The following CERS4 variants were observed in gnomAD, a reference collection of about 807,000 sequenced individuals.
CERS4 encodes the protein ceramide synthase 4.
A neutral mutation model predicts 51.8 loss-of-function variants in CERS4; 65 were observed. The observed-to-expected ratio is 1.26, with a 90% CI of 1.03 to 1.54. The LOEUF (loss-of-function observed/expected upper bound fraction) is 1.54. Among genes scored for constraint, CERS4 ranks in the 40% most tolerant of loss-of-function variants. CERS4 has a pLI of 0.00. For synonymous variants in CERS4, 228 were observed against 208.4 expected, an observed-to-expected ratio of 1.09 and a Z score of -0.81; for missense variants, 563 against 500.4, an observed-to-expected ratio of 1.13 and a Z score of -1.19.
intron 2 of CERS4, among the ~76,000 whole-genome samples, chr19:8,228,019 G>A (rs961074963): frequency 2.0e-5 from 3 of 151,868 alleles, no homozygotes; most frequent in Non-Finnish European, 2.9e-5. Context: ...CCGCCACCAC[G>A]CCCAGACAAT....
At chr19:8,254,881 C>A (rs577626587) in intron 4 of CERS4, among the ~76,000 whole-genome samples, 1 of 151,814 alleles carries the variant, frequency 6.6e-6, no homozygotes, top group Non-Finnish European at 1.5e-5. Context: ...GAGGACCCCC[C>A]CCTTCCCAGC....
At chr19:8,229,348 C>T (rs1282356216) in intron 2 of CERS4, among the ~76,000 whole-genome samples, 2 of 152,138 alleles carry the variant, frequency 1.3e-5, no homozygotes, top group Non-Finnish European at 1.5e-5. Context: ...TAACAACTCA[C>T]ATGCATGTGG....
intron 2 of CERS4, among the ~76,000 whole-genome samples, chr19:8,243,933 C>T (rs1968647815): frequency 6.6e-6 from 1 of 152,222 alleles, no homozygotes; most frequent in African/African-American, 2.4e-5. Flanking sequence ...TCCAGTTCTT[C>T]AGACTGGAAG....
chr19:8,220,548 G>T (rs1366645985), intron 2 of CERS4, among the ~76,000 whole-genome samples: 1 of 152,134 alleles, frequency 6.6e-6, no homozygotes, highest in East Asian at 1.9e-4. Flanking sequence ...CAGGTGATCT[G>T]CCCGCCTCGG....
intron 2 of CERS4, among the ~76,000 whole-genome samples, chr19:8,236,075 A>G (rs570406146): frequency 3.9e-4 from 60 of 152,218 alleles, no homozygotes; most frequent in Middle Eastern, 3.4e-3. Flanking sequence ...GGGCACCTGT[A>G]GTCCCAGCTA....
At chr19:8,250,961 C>G in intron 2 of CERS4, 115 bp from the exon 3 acceptor site, 1 of 1,478,568 alleles carries the variant, frequency 6.8e-7, no homozygotes, top group African/African-American at 1.4e-5. Context: ...TCCTGGTTGT[C>G]AACTGCGCTG....
At chr19:8,226,061 G>A (rs1047466212) in intron 2 of CERS4, among the ~76,000 whole-genome samples, 2 of 152,068 alleles carry the variant, frequency 1.3e-5, no homozygotes, top group Admixed American at 1.3e-4. Flanking sequence ...GCCAGGTGTG[G>A]TGGCGCATGC....
At chr19:8,232,723 CTTTT>C (rs71165298) in intron 2 of CERS4, among the ~76,000 whole-genome samples, 4 of 138,572 alleles carry the variant, frequency 2.9e-5, no homozygotes, top group Non-Finnish European at 4.7e-5. Flanking sequence ...TTATTTAAAC[CTTTT>C]TTTTTTTTTT....
chr19:8,258,735 G>A (rs966765510), intron 10 of CERS4, among the ~76,000 whole-genome samples: 2 of 152,104 alleles, frequency 1.3e-5, no homozygotes, highest in African/African-American at 2.4e-5. Flanking sequence ...CCAGCTACTC[G>A]GGAGGCTGAG....
intron 2 of CERS4, among the ~76,000 whole-genome samples, chr19:8,240,096 AATG>A (rs1389538653): frequency 2.6e-5 from 4 of 152,196 alleles, no homozygotes; most frequent in African/African-American, 9.6e-5. Flanking sequence ...CTGAAATAAG[AATG>A]ATAACACAGT....
intron 2 of CERS4, among the ~76,000 whole-genome samples, chr19:8,244,288 C>T (rs965582678): frequency 2.6e-5 from 4 of 152,086 alleles, no homozygotes; most frequent in East Asian, 3.9e-4. Flanking sequence ...CCCAGGAGAT[C>T]GAGGCTGCAG....
At position 8,259,034 on chromosome 19, in the gene CERS4, T is replaced by C. The variant is rs1055198357; in HGVS notation, c.848+1049T>C. On this transcript the variant is annotated intron_variant, in intron 10 of 11. Coordinates refer to ENST00000251363, the MANE Select transcript of CERS4 (RefSeq NM_024552.3). ...CCGTAATCCCAGCTACTCGGGAGGC[T>C]AAGGCAGGAGAATCACTTGAACCCA... Among the ~76,000 whole-genome samples, 3 of 151,850 alleles carry C rather than the reference T, an allele frequency of 2.0e-5. No homozygotes were observed. The South Asian group carries it at 6.2e-4, about 32-fold the overall frequency.
chr19:8,248,798 GGATA>G (rs1012605617), intron 2 of CERS4, among the ~76,000 whole-genome samples: 4 of 151,672 alleles, frequency 2.6e-5, no homozygotes, highest in African/African-American at 7.3e-5. Flanking sequence ...ATGGGTAGGT[GGATA>G]GATGATGTTT....
At chr19:8,245,005 G>A (rs139073770) in intron 2 of CERS4, among the ~76,000 whole-genome samples, 3,732 of 151,256 alleles carry the variant, frequency 0.025, 162 homozygotes, top group African/African-American at 0.086. Flanking sequence ...TTAGCCGGGC[G>A]TAGTGGCGGG....
At chr19:8,234,542 A>ATT (rs35971828) in intron 2 of CERS4, among the ~76,000 whole-genome samples, 1,691 of 54,302 alleles carry the variant, frequency 0.031, 214 homozygotes, top group Non-Finnish European at 0.037. Flanking sequence ...CCACCATTCT[A>ATT]TTTTTTTTTT....
At chr19:8,240,344 A>T (rs1202415974) in intron 2 of CERS4, 1 of 152,266 alleles carries the variant, frequency 6.6e-6, no homozygotes, top group Non-Finnish European at 1.5e-5. Context: ...CTCAACCGGC[A>T]GCATCTCTGG....
At chr19:8,215,592 G>A (rs1404227544) in intron 2 of CERS4, among the ~76,000 whole-genome samples, 1 of 151,984 alleles carries the variant, frequency 6.6e-6, no homozygotes, top group Non-Finnish European at 1.5e-5. Context: ...CCCTCTCCCT[G>A]TACCCCACAA....
chr19:8,211,580 G>A (rs2145148641), intron 2 of CERS4, among the ~76,000 whole-genome samples: 1 of 152,092 alleles, frequency 6.6e-6, no homozygotes, highest in South Asian at 2.1e-4. Context: ...GAATATCACA[G>A]AGCTGGAGGC....
chr19:8,220,448 G>GAAC (rs1315995757), intron 2 of CERS4, among the ~76,000 whole-genome samples: 2 of 152,152 alleles, frequency 1.3e-5, no homozygotes, highest in Non-Finnish European at 2.9e-5. Context: ...GGGATTACAG[G>GAAC]CATGTGCCAC....
Sources: gnomAD v4.1 joint callset for allele counts (sites outside exome capture counted in the v4.1 genomes callset) on GRCh38, gnomAD v4.1.1 for gene constraint, MANE v1.5 for transcripts, NCBI Gene and HGNC (gene_info 2026-07-23, HGNC 2026-07-21) for gene names.